The following DGKB variants were observed in gnomAD, a reference collection of about 807,000 sequenced individuals.
DGKB encodes the protein diacylglycerol kinase beta.
In DGKB, 67 loss-of-function variants were observed where a neutral mutation model predicts 114.3. The ratio of observed to expected loss-of-function variants is 0.59; its 90% confidence interval spans 0.48 to 0.72. DGKB has a LOEUF of 0.72. DGKB is among the 30% of genes least tolerant of loss of function. DGKB has a pLI of 0.00. For synonymous variants in DGKB, 398 were observed against 323.1 expected (o/e 1.23, Z -2.49); for missense variants, 907 against 975.2 (o/e 0.93, Z 0.93).
chr7:14,459,615 A>G (rs746215378), intron 21 of DGKB, among the ~76,000 whole-genome samples: 1 of 152,208 alleles, frequency 6.6e-6, no homozygotes, highest in Non-Finnish European at 1.5e-5. Flanking sequence ...AAAAGACCAA[A>G]CCTACGTTTG....
chr7:14,566,195 T>C (rs113788808), intron 20 of DGKB, among the ~76,000 whole-genome samples: 1 of 152,192 alleles, frequency 6.6e-6, no homozygotes, highest in Non-Finnish European at 1.5e-5. Context: ...TGCTGTATAA[T>C]TATATGTAAG....
At chr7:14,576,521 A>T (rs1304215736) in intron 19 of DGKB, among the ~76,000 whole-genome samples, 1 of 151,986 alleles carries the variant, frequency 6.6e-6, no homozygotes, top group African/African-American at 2.4e-5. Flanking sequence ...GGCATAAATT[A>T]ATTTGCATAT....
chr7:14,559,969 C>T (rs997749077), intron 20 of DGKB, among the ~76,000 whole-genome samples: 1 of 150,862 alleles, frequency 6.6e-6, no homozygotes, highest in African/African-American at 2.4e-5. Flanking sequence ...CCCTTTCTCC[C>T]TCCCTTCCTT....
rs1171393634 is a variant in DGKB at position 14,673,663 on chromosome 7, T to G, written c.1036-636A>C. Among the ~76,000 whole-genome samples, 6 of 152,096 alleles carry G rather than the reference T, an allele frequency of 3.9e-5. No homozygotes were observed. In the East Asian group the frequency reaches 1.2e-3, roughly 29 times the overall value. On this transcript the variant is annotated intron_variant, in intron 12 of 25. Transcript: ENST00000402815. ...AATGTCCTATTTATTTTTTAATATG[T>G]ATGAGCCCAAACTAATATTTTTATT...
intron 14 of DGKB, among the ~76,000 whole-genome samples, chr7:14,626,859 A>T (rs938426585): frequency 8.5e-5 from 13 of 152,308 alleles, no homozygotes; most frequent in African/African-American, 3.1e-4. Context: ...AAGTACTTTT[A>T]AAAAAGGCAA....
Position 14,697,791 on chromosome 7 carries a change from G to GAGAAAGAAAGA in DGKB, c.591+303_591+304insTCTTTCTTTCT, listed in dbSNP as rs1563943660. 2.2e-3 allele frequency among the ~76,000 whole-genome samples: 260 copies of GAGAAAGAAAGA among 116,238 alleles called. 2 individuals are homozygous for GAGAAAGAAAGA. Among genetic ancestry groups the GAGAAAGAAAGA allele is most frequent in the African/African-American group, 8.9e-3 (252 of 28,220 alleles). 76.3% of individuals were successfully genotyped at this position (116,238 alleles called of 152,430 possible). ...AAGAAACAAAGAGAAAGAAAGAAAG[G>GAGAAAGAAAGA]AAGGAAGGAAGAAAGAGAAAGAAAG... is the stretch of plus-strand genomic sequence containing the variant. On this transcript the variant is annotated intron_variant, in intron 8 of 25. Transcript: ENST00000402815.
intron 20 of DGKB, among the ~76,000 whole-genome samples, chr7:14,493,295 T>C (rs756843839): frequency 6.6e-6 from 1 of 152,084 alleles, no homozygotes. Flanking sequence ...AAACTGCAGA[T>C]AGTACAGAAC....
chr7:14,378,261 T>C (rs1818816698), intron 21 of DGKB, among the ~76,000 whole-genome samples: 1 of 152,176 alleles, frequency 6.6e-6, no homozygotes. Context: ...TTGATTCTCT[T>C]TTGAGATCCA....
intron 9 of DGKB, among the ~76,000 whole-genome samples, chr7:14,685,913 C>A (rs762349835): frequency 3.3e-5 from 5 of 151,996 alleles, no homozygotes; most frequent in Non-Finnish European, 7.4e-5. Flanking sequence ...GGGCTTCATT[C>A]GAGGAGTCCT....
chr7:14,388,618 T>C (rs1459913788), intron 21 of DGKB, among the ~76,000 whole-genome samples: 1 of 151,930 alleles, frequency 6.6e-6, no homozygotes, highest in Non-Finnish European at 1.5e-5. Context: ...GAAATTCTTA[T>C]GAAAAATGAT....
chr7:14,176,773 G>A, intron 25 of DGKB, 66 bp downstream of exon 25: 1 of 1,564,930 alleles, frequency 6.4e-7, no homozygotes, highest in Non-Finnish European at 8.7e-7. Context: ...CAGTTATTGT[G>A]GTTATTTAGT....
At chr7:14,375,627 C>A (rs143421217) in intron 21 of DGKB, among the ~76,000 whole-genome samples, 1 of 152,190 alleles carries the variant, frequency 6.6e-6, no homozygotes, top group African/African-American at 2.4e-5. Context: ...GGTCTCTCTT[C>A]GAATGTCACC....
intron 1 of DGKB, among the ~76,000 whole-genome samples, chr7:14,855,026 T>C (rs1849920915): frequency 6.6e-6 from 1 of 152,130 alleles, no homozygotes; most frequent in South Asian, 2.1e-4. Context: ...CTAAAAAAAC[T>C]GAACCATATT....
At chr7:14,901,548 C>A (rs1173164973) in intron 1 of DGKB, among the ~76,000 whole-genome samples, 1 of 151,958 alleles carries the variant, frequency 6.6e-6, no homozygotes, top group Non-Finnish European at 1.5e-5. Flanking sequence ...CTCCAATGAT[C>A]CTCCAACTAA....
chr7:14,347,106 A>C (rs567871403), intron 21 of DGKB, among the ~76,000 whole-genome samples: 1 of 152,072 alleles, frequency 6.6e-6, no homozygotes, highest in Admixed American at 6.6e-5. Flanking sequence ...TGGGCATATC[A>C]GTTTGTTAAG....
intron 21 of DGKB, among the ~76,000 whole-genome samples, chr7:14,428,925 A>G (rs1828000972): frequency 6.6e-6 from 1 of 152,098 alleles, no homozygotes; most frequent in South Asian, 2.1e-4. Context: ...TATAAAAAAT[A>G]TAAATTTTTT....
At position 14,361,681 on chromosome 7, in the gene DGKB, C is replaced by A. The variant is rs980978925; in HGVS notation, c.1836-16290G>T. 4.6e-5 allele frequency among the ~76,000 whole-genome samples: 7 copies of A among 151,970 alleles called. No individual in the cohort carries two copies. The East Asian group carries it at 1.4e-3, about 29-fold the overall frequency. ...TAAAGGAAACATCCCCTCTCTTTTTCTCTCCAATATTATCTACTATTTTTA... is the reference window on the plus strand; with the variant it reads ...TAAAGGAAACATCCCCTCTCTTTTTATCTCCAATATTATCTACTATTTTTA... On this transcript the variant is annotated intron_variant, in intron 21 of 25. Transcript: ENST00000402815.
At chr7:14,906,467 T>C (rs1783712179), upstream of DGKB, among the ~76,000 whole-genome samples, 1 of 110,468 alleles carries the variant, frequency 9.1e-6, no homozygotes, top group Admixed American at 9.4e-5. Context: ...TTTTTTTTTT[T>C]TTTTGAGATG....
chr7:14,914,663 A>C (rs1784151036), intron 1 of DGKB, among the ~76,000 whole-genome samples: 1 of 152,172 alleles, frequency 6.6e-6, no homozygotes, highest in African/African-American at 2.4e-5. Flanking sequence ...AGCAAGCATC[A>C]GAACTAGACT....
Sources: allele counts gnomAD v4.1 joint callset (sites outside exome capture counted in the v4.1 genomes callset), GRCh38; gene constraint gnomAD v4.1.1; transcripts MANE v1.5; gene names NCBI Gene and HGNC (gene_info 2026-07-23, HGNC 2026-07-21).